Variants in STS observed in about 807,000 individuals in gnomAD.
STS encodes steryl-sulfatase.
STS carries 7 observed loss-of-function variants against 26.8 expected under a neutral mutation model. The observed-to-expected ratio is 0.26, with a 90% confidence interval of 0.15 to 0.49. STS has a LOEUF of 0.49. STS is among the 20% of genes least tolerant of loss of function. The pLI, the probability that STS is intolerant of heterozygous loss-of-function variation, is 0.98. For missense variants in STS, 434 were observed against 465.6 expected, an observed-to-expected ratio of 0.93 and a Z score of 0.63; for synonymous variants, 199 against 189.4, an observed-to-expected ratio of 1.05 and a Z score of -0.42.
intron 7 of STS, among the ~76,000 whole-genome samples, chrX:7,289,524 G>A (rs1319863263): frequency 2.7e-5 from 3 of 111,530 alleles, no homozygotes. Context: ...AAGCAGTGAG[G>A]AGGGAGCAGC....
At chrX:7,169,144 A>T (rs1483858726) in intron 1 of STS, among the ~76,000 whole-genome samples, 4 of 110,408 alleles carry the variant, frequency 3.6e-5, no homozygotes, top group Admixed American at 1.9e-4. Context: ...CATTCCTCCC[A>T]TACCCCCACC....
chrX:7,153,589 T>C (rs1370556091), intron 1 of STS, among the ~76,000 whole-genome samples: 1 of 96,005 alleles, frequency 1.0e-5, no homozygotes, highest in Non-Finnish European at 2.1e-5. Flanking sequence ...ACTCCCTCAC[T>C]CTCTGCTTCC....
At chrX:7,253,776 GC>G (rs1173098466) in intron 3 of STS, among the ~76,000 whole-genome samples, 1 of 111,862 alleles carries the variant, frequency 8.9e-6, no homozygotes, top group Non-Finnish European at 1.9e-5. Flanking sequence ...CCCTCTTCTA[GC>G]CCAGGCCCTA....
intron 2 of STS, among the ~76,000 whole-genome samples, chrX:7,204,202 A>C (rs1428550932): frequency 1.8e-5 from 2 of 111,798 alleles, no homozygotes; most frequent in African/African-American, 6.5e-5. Flanking sequence ...TCAAAAATCG[A>C]GAATATTCTA....
intron 1 of STS, among the ~76,000 whole-genome samples, chrX:7,168,270 T>C (rs1427788959): frequency 9.0e-6 from 1 of 111,281 alleles, no homozygotes; most frequent in Non-Finnish European, 1.9e-5. Context: ...GGGAAAAATG[T>C]GTTCTGAGAA....
At chrX:7,236,189 AG>A (rs1461879294) in intron 2 of STS, among the ~76,000 whole-genome samples, 1 of 111,985 alleles carries the variant, frequency 8.9e-6, no homozygotes, top group African/African-American at 3.2e-5. Context: ...TAACTGAGAC[AG>A]TGAAAAAAGA....
chrX:7,303,961 G>T (rs187772655), intron 7 of STS, among the ~76,000 whole-genome samples: 2 of 110,977 alleles, frequency 1.8e-5, no homozygotes, highest in East Asian at 2.8e-4. Context: ...ATTTATTCTC[G>T]CCCTGCATTC....
chrX:7,296,507 C>T (rs896420311), intron 7 of STS, among the ~76,000 whole-genome samples: 5 of 111,855 alleles, frequency 4.5e-5, no homozygotes, highest in African/African-American at 1.6e-4. Context: ...CCTATGGAAA[C>T]GATGTCCAAA....
chrX:7,206,442 C>T (rs1182386597), intron 2 of STS, among the ~76,000 whole-genome samples: 1 of 112,143 alleles, frequency 8.9e-6, no homozygotes, highest in African/African-American at 3.2e-5. Context: ...TCATACCATC[C>T]TTTTATTATT....
chrX:7,238,325 A>G (rs1328576106), intron 2 of STS, among the ~76,000 whole-genome samples: 3 of 111,388 alleles, frequency 2.7e-5, no homozygotes, highest in African/African-American at 9.8e-5. Context: ...TTATAGAAGC[A>G]TAAACATCAC....
chrX:7,296,616 C>A (rs995351482), intron 7 of STS, among the ~76,000 whole-genome samples: 2 of 112,247 alleles, frequency 1.8e-5, no homozygotes, highest in South Asian at 7.4e-4. Flanking sequence ...CTTTGTTCTT[C>A]CCCGCACCTT....
intron 2 of STS, among the ~76,000 whole-genome samples, chrX:7,205,452 G>A (rs1323112175): frequency 4.5e-5 from 5 of 111,432 alleles, no homozygotes; most frequent in Non-Finnish European, 7.5e-5. Context: ...AGCTTGCTTG[G>A]GAGCAGAGAC....
At chrX:7,333,054 A>G (rs1927834243) in intron 9 of STS, among the ~76,000 whole-genome samples, 1 of 112,295 alleles carries the variant, frequency 8.9e-6, no homozygotes, top group Admixed American at 9.4e-5. Context: ...CCTCTTAAGC[A>G]CACTTACCAA....
At chrX:7,259,222 A>G in intron 5 of STS, 127 bp from the exon 6 acceptor site, 2 of 708,058 alleles carry the variant, frequency 2.8e-6, no homozygotes, top group Non-Finnish European at 4.4e-6. Flanking sequence ...CTAGGGTCCT[A>G]TGAGCGGGAA....
chrX:7,352,033 T>A lies in STS; in HGVS notation c.*1772T>A, dbSNP rs1327939229. 1 of 111,425 alleles carries A rather than the reference T, an allele frequency of 9.0e-6. No homozygotes were observed. Among genetic ancestry groups the A allele is most frequent in the Non-Finnish European group, 1.9e-5 (1 of 53,107 alleles). 9.2% of individuals were successfully genotyped at this position (111,425 alleles called of 1,213,427 possible). A position where few individuals can be genotyped will look rare whatever the true frequency, so the allele number is the denominator to read the frequency against. On this transcript the variant is annotated 3_prime_UTR_variant, in exon 11 of 11. Coordinates refer to ENST00000674429, the MANE Select transcript of STS (RefSeq NM_001320752.2). ...GAAAAGCATACAAGATTCTTCCTTT[T>A]AACTTGGATTTCTCGTTCCAGAAAT...
At chrX:7,331,887 TAAA>T (rs11396837) in intron 9 of STS, among the ~76,000 whole-genome samples, 3 of 74,299 alleles carry the variant, frequency 4.0e-5, no homozygotes, top group African/African-American at 5.3e-5. Flanking sequence ...TGTGGGATAT[TAAA>T]AAAAAAAAAA....
intron 6 of STS, among the ~76,000 whole-genome samples, chrX:7,267,597 A>T (rs892983057): frequency 5.6e-4 from 63 of 112,148 alleles, no homozygotes; most frequent in African/African-American, 1.9e-3. Context: ...ATTGCTAGGA[A>T]AAATATTTAA....
intron 2 of STS, among the ~76,000 whole-genome samples, chrX:7,246,558 G>A (rs769722078): frequency 3.6e-5 from 4 of 110,899 alleles, no homozygotes; most frequent in African/African-American, 6.5e-5. Context: ...CGCCCGCCTC[G>A]GCCTCCCAAA....
intron 2 of STS, among the ~76,000 whole-genome samples, chrX:7,193,886 G>T (rs1320695543): frequency 2.7e-5 from 3 of 111,190 alleles, no homozygotes; most frequent in Non-Finnish European, 5.7e-5. Flanking sequence ...CAAGGAAAAG[G>T]TTTAGTAATA....
Sources: gnomAD v4.1 joint callset for allele counts (sites outside exome capture counted in the v4.1 genomes callset) on GRCh38, gnomAD v4.1.1 for gene constraint, MANE v1.5 for transcripts, NCBI Gene and HGNC (gene_info 2026-07-23, HGNC 2026-07-21) for gene names.